The following TULP4 variants were observed in gnomAD, a reference collection of about 807,000 sequenced individuals.
TULP4 encodes TUB like protein 4, also known as tubby-related protein 4.
TULP4 carries 16 observed loss-of-function variants against 129.0 expected under a neutral mutation model. That is an observed-to-expected ratio of 0.12 (90% CI 0.08 to 0.19). The LOEUF is 0.19. Ranked by LOEUF, TULP4 falls within the 10% of genes least tolerant of loss-of-function variation. The pLI is 1.00. For missense variants in TULP4, 1,842 were observed against 2,059.1 expected (o/e 0.89, Z 2.04); for synonymous variants, 998 against 854.0 (o/e 1.17, Z -2.94).
chr6:158,449,029 G>A lies in TULP4; in HGVS notation c.577G>A (p.Val193Ile), dbSNP rs774292933. 9 of 1,613,600 alleles carry A rather than the reference G, an allele frequency of 5.6e-6. No homozygotes were observed. In the South Asian group the frequency reaches 8.8e-5, roughly 16 times the overall value. ...TGGCACGGCCGATGGGCAGGTGATTGTCATGGATTGCCACGGCAGAATGCT... is the reference window on the plus strand; with the variant it reads ...TGGCACGGCCGATGGGCAGGTGATTATCATGGATTGCCACGGCAGAATGCT... ...LFGTADGQVI[V>I]MDCHGRMLAH... Residue 193 changes from valine (V) to isoleucine (I), a missense_variant, in exon 4 of 14, where the codon GTC becomes ATC. Around this residue, in one of 5 missense-constraint regions of TULP4, gnomAD observed 151 missense variants for 268.7 expected, o/e 0.56. Transcript: ENST00000367097.
chr6:158,283,194 A>G (rs974322886), intron 1 of TULP4, among the ~76,000 whole-genome samples: 1 of 152,062 alleles, frequency 6.6e-6, no homozygotes, highest in African/African-American at 2.4e-5. Context: ...AAGAACCTAG[A>G]TACAGTGCCG....
In TULP4 at chr6:158,503,510, C is replaced by A. The variant is rs897314045; in HGVS notation, c.3847C>A (p.Pro1283Thr). The A allele has an allele frequency of 8.7e-6, 14 of 1,613,992 alleles. No individual in the cohort carries two copies. Among genetic ancestry groups the A allele is most frequent in the Non-Finnish European group, 1.0e-5 (12 of 1,179,994 alleles). ...CCCCCAGGGCACTCTCCCCCCAAAG[C>A]CACACTTGGTGGTGGAGAAGCCCCT... is the stretch of plus-strand genomic sequence containing the variant. ...QNPQGTLPPK[P>T]HLVVEKPLVS... Residue 1283 changes from proline (P) to threonine (T), a missense_variant, in exon 13 of 14, where the codon CCA becomes ACA. Physicochemically the swap from Pro to Thr is conservative, Grantham distance 38 (BLOSUM62 -1). This residue lies in a region of TULP4 where 1,089 missense variants were observed against 987.1 expected (regional missense o/e 1.10). Coordinates refer to ENST00000367097, the MANE Select transcript of TULP4 (RefSeq NM_020245.5). The surrounding 1 kb of genome is among the most constrained non-coding windows in gnomAD (Gnocchi z 4.3).
At chr6:158,298,494 G>A (rs1779077487) in intron 1 of TULP4, among the ~76,000 whole-genome samples, 1 of 150,242 alleles carries the variant, frequency 6.7e-6, no homozygotes, top group African/African-American at 2.4e-5. Context: ...TTATATAAAT[G>A]TGCCATGGCG....
chr6:158,319,117 C>T (rs1053641012), intron 1 of TULP4, among the ~76,000 whole-genome samples: 2 of 152,046 alleles, frequency 1.3e-5, no homozygotes, highest in African/African-American at 4.8e-5. Context: ...AAGACCTGGC[C>T]TGGACTGATG....
chr6:158,283,752 A>C (rs193075703), intron 1 of TULP4, among the ~76,000 whole-genome samples: 47 of 152,346 alleles, frequency 3.1e-4, no homozygotes, highest in African/African-American at 1.1e-3. Context: ...AACTGCCTCC[A>C]GCCTTCTGCT....
rs770222927 is a variant in TULP4 at position 158,498,759 on chromosome 6, A to G, written c.1961A>G (p.Asn654Ser). Residue 654 changes from asparagine to serine, a missense_variant, in exon 12 of 14, where the codon AAT (asparagine) becomes AGT (serine). Physicochemically the swap from Asn to Ser is conservative, Grantham distance 46 (BLOSUM62 1). Transcript: ENST00000367097. Reference sequence around the variant, plus strand: ...CGGAAAATTTCCATGGACTATATTAATTTACCTGTCTTCAACCCAAATGTT... The same window carrying G: ...CGGAAAATTTCCATGGACTATATTAGTTTACCTGTCTTCAACCCAAATGTT... ...EVRKISMDYI[N>S]LPVFNPNVFS... The G allele has an allele frequency of 6.2e-7, 1 of 1,614,156 alleles. No homozygotes were observed. Among genetic ancestry groups the G allele is most frequent in the Non-Finnish European group, 8.5e-7 (1 of 1,180,028 alleles).
chr6:158,249,358 T>TTTTTTTTTTTTTTTTGAGACGG (rs1554273920), intron 1 of TULP4, among the ~76,000 whole-genome samples: 1 of 152,152 alleles, frequency 6.6e-6, no homozygotes, highest in African/African-American at 2.4e-5. Context: ...CAATAACTCT[T>TTTTTTTTTTTTTTTTGAGACGG]AATAAAAGAC....
At chr6:158,476,658 A>G (rs998832870) in intron 6 of TULP4, among the ~76,000 whole-genome samples, 1 of 152,218 alleles carries the variant, frequency 6.6e-6, no homozygotes, top group African/African-American at 2.4e-5. Context: ...ATTTATTTAT[A>G]TGCTGTGTAA....
intron 1 of TULP4, among the ~76,000 whole-genome samples, chr6:158,239,644 C>A (rs1411970366): frequency 2.2e-4 from 14 of 64,474 alleles, no homozygotes; most frequent in East Asian, 2.0e-3. Flanking sequence ...GGGGGCTGAC[C>A]CCCCCACCTC....
At chr6:158,299,625 T>C (rs575955225) in intron 1 of TULP4, among the ~76,000 whole-genome samples, 12 of 152,300 alleles carry the variant, frequency 7.9e-5, no homozygotes, top group African/African-American at 2.9e-4. Flanking sequence ...GGAGGGCATT[T>C]ATAACCCATA....
intron 6 of TULP4, among the ~76,000 whole-genome samples, chr6:158,470,551 CCT>C (rs1779655202): frequency 6.6e-6 from 1 of 152,172 alleles, no homozygotes; most frequent in South Asian, 2.1e-4. Flanking sequence ...AGTTGCAAGC[CCT>C]CTGTTTAAAG....
upstream of TULP4, among the ~76,000 whole-genome samples, chr6:158,308,748 G>A (rs1200870164): frequency 7.6e-5 from 11 of 144,564 alleles, no homozygotes; most frequent in East Asian, 8.7e-4. Context: ...GCGGCTGGCC[G>A]GGCGGGGGGC....
chr6:158,387,642 G>A (rs1470540542), intron 1 of TULP4, among the ~76,000 whole-genome samples: 2 of 152,160 alleles, frequency 1.3e-5, no homozygotes, highest in Admixed American at 1.3e-4. Context: ...AGGTTCTCAT[G>A]GGATTTCAGG....
intron 1 of TULP4, among the ~76,000 whole-genome samples, chr6:158,325,535 G>A (rs1779726541): frequency 6.6e-6 from 1 of 151,904 alleles, no homozygotes. Context: ...TGTATTTTTA[G>A]TAGAGACGGG....
At chr6:158,350,533 C>T (rs1011814454) in intron 1 of TULP4, among the ~76,000 whole-genome samples, 6 of 152,146 alleles carry the variant, frequency 3.9e-5, no homozygotes, top group Admixed American at 6.5e-5. Flanking sequence ...GAGACCAGCC[C>T]GGTCAACACG....
chr6:158,353,338 A>T (rs1583786556), intron 1 of TULP4, among the ~76,000 whole-genome samples: 1 of 104,806 alleles, frequency 9.5e-6, no homozygotes, highest in Non-Finnish European at 2.5e-5. Flanking sequence ...TTAGGGTTTT[A>T]AAATTTTCTT....
chr6:158,484,809 C>T (rs950063506), intron 8 of TULP4, among the ~76,000 whole-genome samples: 9 of 152,230 alleles, frequency 5.9e-5, no homozygotes, highest in South Asian at 4.1e-4. Flanking sequence ...TTAGCGCGTG[C>T]GCCTGTGTGT....
intron 1 of TULP4, among the ~76,000 whole-genome samples, chr6:158,347,485 G>A (rs991689834): frequency 1.4e-4 from 21 of 152,224 alleles, no homozygotes; most frequent in East Asian, 1.2e-3. Flanking sequence ...TCCACATAAC[G>A]GCCAAAATAG....
At chr6:158,444,069 A>G (rs1778969513) in intron 3 of TULP4, among the ~76,000 whole-genome samples, 1 of 151,538 alleles carries the variant, frequency 6.6e-6, no homozygotes, top group Admixed American at 6.6e-5. Flanking sequence ...AAATACAAAA[A>G]ATTAGCCTGG....
Sources: allele counts gnomAD v4.1 joint callset (sites outside exome capture counted in the v4.1 genomes callset), GRCh38; gene constraint gnomAD v4.1.1; regional missense constraint gnomAD v4.1.1; non-coding constraint Gnocchi (gnomAD v3.1); transcripts MANE v1.5; gene names NCBI Gene and HGNC (gene_info 2026-07-23, HGNC 2026-07-21).